The following PDZD2 variants were observed in gnomAD, a reference collection of about 807,000 sequenced individuals.
PDZD2 encodes PDZ domain containing 2, also known as PDZ domain-containing protein 2.
A neutral mutation model predicts 220.7 loss-of-function variants in PDZD2; 90 were observed. The observed-to-expected ratio is 0.41, with a 90% CI of 0.34 to 0.49. The LOEUF (loss-of-function observed/expected upper bound fraction) is 0.49. Ranked by LOEUF, PDZD2 falls within the 20% of genes least tolerant of loss-of-function variation. The pLI is 0.28. For missense variants in PDZD2, 3,174 were observed against 3,608.5 expected (o/e 0.88, Z 3.08); for synonymous variants, 1,375 against 1,450.5 (o/e 0.95, Z 1.18).
chr5:31,876,475 T>C (rs1286101660), intron 2 of PDZD2, among the ~76,000 whole-genome samples: 1 of 152,026 alleles, frequency 6.6e-6, no homozygotes, highest in Non-Finnish European at 1.5e-5. Flanking sequence ...GTGTTTTTAG[T>C]AGAGACAGGG....
chr5:31,846,730 C>G (rs930797904), intron 2 of PDZD2, among the ~76,000 whole-genome samples: 3 of 152,166 alleles, frequency 2.0e-5, no homozygotes, highest in Non-Finnish European at 4.4e-5. Flanking sequence ...TCATGCTTTG[C>G]TTGGTGCCAC....
intron 6 of PDZD2, among the ~76,000 whole-genome samples, chr5:32,021,556 C>A (rs927552523): frequency 7.9e-5 from 12 of 152,114 alleles, no homozygotes; most frequent in Non-Finnish European, 5.9e-5. Context: ...CCTCAGCCCC[C>A]CAAAGTGCTG....
intron 1 of PDZD2, among the ~76,000 whole-genome samples, chr5:31,640,488 G>A (rs1744908101): frequency 6.6e-6 from 1 of 152,206 alleles, no homozygotes. Flanking sequence ...TTGACAAATC[G>A]CAATGAAACT....
intron 3 of PDZD2, among the ~76,000 whole-genome samples, chr5:31,986,221 C>G (rs1019030592): frequency 1.3e-5 from 2 of 152,072 alleles, no homozygotes; most frequent in Non-Finnish European, 2.9e-5. Context: ...CAAACTGATC[C>G]ATTGCCTTTA....
intron 19 of PDZD2, among the ~76,000 whole-genome samples, chr5:32,084,741 T>G (rs568746561): frequency 6.6e-6 from 1 of 152,228 alleles, no homozygotes; most frequent in African/African-American, 2.4e-5. Flanking sequence ...GCCAGATTTT[T>G]TTTCCCTGTT....
chr5:31,982,807 G>A (rs906281134), intron 2 of PDZD2, among the ~76,000 whole-genome samples: 3 of 152,176 alleles, frequency 2.0e-5, no homozygotes, highest in African/African-American at 7.2e-5. Context: ...TAATTCCGAT[G>A]CAAGAAATGG....
chr5:31,679,378 G>A (rs1260316267), intron 1 of PDZD2, among the ~76,000 whole-genome samples: 2 of 152,258 alleles, frequency 1.3e-5, no homozygotes, highest in African/African-American at 4.8e-5. Flanking sequence ...AAAGTGGGTT[G>A]AAAGGCGTGG....
At chr5:31,880,780 CTT>C (rs1177280477) in intron 2 of PDZD2, among the ~76,000 whole-genome samples, 1 of 42,774 alleles carries the variant, frequency 2.3e-5, no homozygotes, top group Non-Finnish European at 5.2e-5. Flanking sequence ...AGGTAGCTTT[CTT>C]TTTTTTTTCT....
intron 19 of PDZD2, among the ~76,000 whole-genome samples, chr5:32,079,736 A>T (rs933033296): frequency 1.3e-5 from 2 of 151,952 alleles, no homozygotes; most frequent in African/African-American, 4.8e-5. Flanking sequence ...GTTTAAACCC[A>T]GGAGGCAGAG....
rs1744843635 is a variant in PDZD2 at position 31,639,313 on chromosome 5, G to C, written c.-485G>C. On this transcript the variant is annotated 5_prime_UTR_variant, in exon 1 of 25. Coordinates refer to ENST00000438447, the MANE Select transcript of PDZD2 (RefSeq NM_178140.4). The surrounding 1 kb of genome is among the most constrained non-coding windows in gnomAD (Gnocchi z 4.1). ...CCGGCGAACCGCGGCTCTGCAGCTC[G>C]GGGCAGGCGCGGCGGCGGCACCGGT... is the stretch of plus-strand genomic sequence containing the variant. 2 of 150,062 alleles carry C rather than the reference G, an allele frequency of 1.3e-5. No individual in the cohort carries two copies. Among genetic ancestry groups the C allele is most frequent in the East Asian group, 2.0e-4 (1 of 5,128 alleles). 9.3% of individuals were successfully genotyped at this position (150,062 alleles called of 1,614,324 possible).
chr5:32,060,292 C>T (rs1281974783), intron 13 of PDZD2, among the ~76,000 whole-genome samples: 1 of 152,084 alleles, frequency 6.6e-6, no homozygotes, highest in African/African-American at 2.4e-5. Flanking sequence ...TGAATGATTC[C>T]ATATGTCTGG....
At chr5:31,800,358 C>T (rs1754321096) in intron 2 of PDZD2, among the ~76,000 whole-genome samples, 1 of 152,186 alleles carries the variant, frequency 6.6e-6, no homozygotes, top group Admixed American at 6.6e-5. Context: ...GTTCTCCCAG[C>T]AATGATGTTT....
intron 2 of PDZD2, among the ~76,000 whole-genome samples, chr5:31,818,842 T>C (rs1362089904): frequency 3.9e-5 from 6 of 152,254 alleles, no homozygotes; most frequent in Non-Finnish European, 7.3e-5. Context: ...TAAGATCTAG[T>C]CTGTGACCAT....
rs567013841 is a variant in PDZD2, at chr5:31,716,769, C to T, written c.-361+77332C>T. 1.9e-4 allele frequency among the ~76,000 whole-genome samples: 29 copies of T among 152,278 alleles called. 1 individual carries two copies. The South Asian group carries it at 5.2e-3, about 27-fold the overall frequency. On this transcript the variant is annotated intron_variant, in intron 1 of 24. Transcript: ENST00000438447. ...AGTGAGCTGAGATTGTGCCACTGCA[C>T]TCCAGGCTGGGTGACAGAGGGTGAC...
Position 32,019,093 on chromosome 5 carries a change from T to C in PDZD2, c.1407+8611T>C, listed in dbSNP as rs114957639. Among the ~76,000 whole-genome samples the C allele has an allele frequency of 4.5e-3, 679 of 152,046 alleles. 4 individuals carry two copies. Among genetic ancestry groups the C allele is most frequent in the African/African-American group, 0.016 (649 of 41,438 alleles). On this transcript the variant is annotated intron_variant, in intron 6 of 24. Transcript: ENST00000438447. ...CCTTGCTGCATTTTTATCTAAGGAG[T>C]TTGCAGTTCTCTAAGTAAACAGCTC...
At chr5:31,733,959 GCA>G (rs891901890) in intron 1 of PDZD2, among the ~76,000 whole-genome samples, 9 of 152,124 alleles carry the variant, frequency 5.9e-5, no homozygotes, top group Non-Finnish European at 8.8e-5. Context: ...CAGGTTAAGC[GCA>G]CAGTCTCCCA....
At chr5:31,983,701 T>A in intron 3 of PDZD2, 45 bp downstream of exon 3, 1 of 1,561,016 alleles carries the variant, frequency 6.4e-7, no homozygotes, top group Non-Finnish European at 8.7e-7. Flanking sequence ...ATTTATCGTG[T>A]GTGTTTGTTT....
At position 31,837,234 on chromosome 5, in the gene PDZD2, G is replaced by T. The variant is rs540481569; in HGVS notation, c.476+37510G>T. Among the ~76,000 whole-genome samples the T allele has an allele frequency of 3.7e-3, 563 of 152,174 alleles. 5 individuals carry two copies. The highest frequency in any genetic ancestry group is 0.027 in the South Asian group (128 of 4,818). ...CACACCTGTGCTGTGCATTCTTGAA[G>T]GTGAACTAGTCTCATACACACACTT... On this transcript the variant is annotated intron_variant, in intron 2 of 24. Coordinates refer to ENST00000438447, the MANE Select transcript of PDZD2 (RefSeq NM_178140.4).
chr5:31,789,568 G>C (rs541774142), intron 1 of PDZD2, among the ~76,000 whole-genome samples: 2 of 152,278 alleles, frequency 1.3e-5, no homozygotes, highest in South Asian at 4.2e-4. Flanking sequence ...TGCTAGATAG[G>C]GCTCCTTGTG....
Sources: gnomAD v4.1 joint callset for allele counts (sites outside exome capture counted in the v4.1 genomes callset) on GRCh38, gnomAD v4.1.1 for gene constraint, Gnocchi (gnomAD v3.1) non-coding constraint, MANE v1.5 for transcripts, NCBI Gene and HGNC (gene_info 2026-07-23, HGNC 2026-07-21) for gene names.